Variants in C14orf39 observed in about 807,000 individuals in gnomAD.
C14orf39 encodes chromosome 14 open reading frame 39, also known as protein SIX6OS1.
C14orf39 carries 66 observed loss-of-function variants against 85.6 expected under a neutral mutation model. The observed-to-expected ratio is 0.77, with a 90% confidence interval of 0.63 to 0.95. The LOEUF (loss-of-function observed/expected upper bound fraction) is 0.95. Among genes scored for constraint, C14orf39 ranks in the 40% least tolerant of loss-of-function variants. The pLI is 0.00. For missense variants in C14orf39, 735 were observed against 663.9 expected (o/e 1.11, Z -1.18); for synonymous variants, 242 against 214.0 (o/e 1.13, Z -1.14).
upstream of C14orf39, among the ~76,000 whole-genome samples, chr14:60,490,201 T>C (rs1248515890): frequency 2.0e-5 from 3 of 152,268 alleles, no homozygotes; most frequent in Non-Finnish European, 4.4e-5. Context: ...ACTATACAGG[T>C]GACTCACAAT....
chr14:60,450,154 T>A (rs1182515191), intron 16 of C14orf39, among the ~76,000 whole-genome samples: 2 of 152,154 alleles, frequency 1.3e-5, no homozygotes, highest in Non-Finnish European at 2.9e-5. Flanking sequence ...GAGGAAAAAG[T>A]AAAGGGCATT....
intron 14 of C14orf39, among the ~76,000 whole-genome samples, chr14:60,458,436 T>C (rs1891376133): frequency 6.6e-6 from 1 of 151,960 alleles, no homozygotes; most frequent in African/African-American, 2.4e-5. Context: ...ACGATGTTGC[T>C]GCAAATAACT....
intron 10 of C14orf39, among the ~76,000 whole-genome samples, chr14:60,466,490 A>C (rs1396588273): frequency 6.6e-6 from 1 of 151,946 alleles, no homozygotes; most frequent in Non-Finnish European, 1.5e-5. Context: ...TTACTTTTGC[A>C]CCAACCTAAT....
chr14:60,510,994 G>A, intron 1 of C14orf39: 1 of 1,365,046 alleles, frequency 7.3e-7, no homozygotes, highest in Non-Finnish European at 1.0e-6. Flanking sequence ...ACCTCTAGCC[G>A]CCGGGCTGGA....
chr14:60,481,144 T>C (rs1447345757), intron 4 of C14orf39, among the ~76,000 whole-genome samples: 2 of 152,214 alleles, frequency 1.3e-5, no homozygotes, highest in East Asian at 1.9e-4. Flanking sequence ...GGTAAGGTGA[T>C]GAATATCTTA....
chr14:60,504,986 C>T (rs560024666), intron 1 of C14orf39, among the ~76,000 whole-genome samples: 3 of 152,286 alleles, frequency 2.0e-5, no homozygotes, highest in Non-Finnish European at 2.9e-5. Context: ...ACAATATAAA[C>T]AATTCTGCAT....
intron 16 of C14orf39, among the ~76,000 whole-genome samples, chr14:60,450,555 C>T (rs371664709): frequency 9.2e-5 from 14 of 152,326 alleles, no homozygotes; most frequent in Admixed American, 5.2e-4. Context: ...AAATCCTAGA[C>T]AGCATCTCTA....
chr14:60,505,502 T>C (rs1893191172), intron 1 of C14orf39, among the ~76,000 whole-genome samples: 1 of 152,170 alleles, frequency 6.6e-6, no homozygotes, highest in Non-Finnish European at 1.5e-5. Flanking sequence ...GTTATAAAAC[T>C]AAAAGCCAGT....
chr14:60,441,798 A>G (rs1437447863), intron 17 of C14orf39, among the ~76,000 whole-genome samples: 1 of 152,218 alleles, frequency 6.6e-6, no homozygotes, highest in Non-Finnish European at 1.5e-5. Flanking sequence ...CAATTATATC[A>G]GATGTTGCAA....
intron 14 of C14orf39, among the ~76,000 whole-genome samples, chr14:60,457,905 T>C (rs1326073919): frequency 6.6e-6 from 1 of 151,998 alleles, no homozygotes; most frequent in African/African-American, 2.4e-5. Flanking sequence ...AAAATTATTT[T>C]CATCAATCAT....
chr14:60,438,983 A>G (rs1443823811), intron 17 of C14orf39, among the ~76,000 whole-genome samples: 3 of 152,200 alleles, frequency 2.0e-5, no homozygotes, highest in South Asian at 4.1e-4. Flanking sequence ...ACGGAATTTA[A>G]GAATAAGTTC....
intron 5 of C14orf39, among the ~76,000 whole-genome samples, chr14:60,476,499 T>G (rs1892383628): frequency 6.6e-6 from 1 of 152,194 alleles, no homozygotes. Context: ...TATTTTCCAT[T>G]TATAAATGCC....
Position 60,477,969 on chromosome 14 carries a change from G to A in C14orf39, c.323+331C>T, listed in dbSNP as rs558851309. Among the ~76,000 whole-genome samples, 5 of 152,102 alleles carry A rather than the reference G, an allele frequency of 3.3e-5. No individual in the cohort carries two copies. In the South Asian group the frequency reaches 1.0e-3, roughly 32 times the overall value. On this transcript the variant is annotated intron_variant, in intron 5 of 17. Coordinates refer to ENST00000321731, the MANE Select transcript of C14orf39 (RefSeq NM_174978.3). ...CCGAGGCGGGCAGATCACGAGGTCA[G>A]GAGATCGAGACCATCCTGGCTAACA...
intron 1 of C14orf39, among the ~76,000 whole-genome samples, chr14:60,505,800 A>C (rs952853555): frequency 6.6e-6 from 1 of 152,226 alleles, no homozygotes; most frequent in African/African-American, 2.4e-5. Context: ...AGAGGTAGGA[A>C]AGTATTGACT....
At position 60,484,900 on chromosome 14, in the gene C14orf39, CTCT is replaced by C. The variant is rs1892810367; in HGVS notation, c.84_86del (p.Glu29del). On this transcript the variant is annotated inframe_deletion, in exon 3 of 18. Transcript: ENST00000321731. This position sits in a 1 kb window ranked among gnomAD's most constrained non-coding sequence, Gnocchi z 4.2. ...ACTTACTATTAATTCTTTGAATCAT[CTCT>C]TCTTTAGTACTTATGTCTTGCTCAT... The C allele has an allele frequency of 6.4e-7, 1 of 1,567,470 alleles. No individual in the cohort carries two copies. Among genetic ancestry groups the C allele is most frequent in the East Asian group, 2.2e-5 (1 of 44,528 alleles).
intron 1 of C14orf39, among the ~76,000 whole-genome samples, chr14:60,510,780 A>C (rs890967734): frequency 6.6e-6 from 1 of 152,244 alleles, no homozygotes; most frequent in African/African-American, 2.4e-5. Context: ...ACAGTCCTGT[A>C]AATCTCCCAA....
At chr14:60,446,763 C>A (rs561856273) in intron 16 of C14orf39, among the ~76,000 whole-genome samples, 2 of 152,316 alleles carry the variant, frequency 1.3e-5, no homozygotes, top group Admixed American at 1.3e-4. Context: ...GAATTTTAGA[C>A]CAATATCCCT....
At chr14:60,507,065 G>C (rs1411121200) in intron 1 of C14orf39, among the ~76,000 whole-genome samples, 3 of 152,138 alleles carry the variant, frequency 2.0e-5, no homozygotes, top group Admixed American at 1.3e-4. Context: ...CGCTGGGATC[G>C]GGGTCGGCTC....
intron 9 of C14orf39, 79 bp downstream of exon 9, chr14:60,468,366 T>G (rs1891897447): frequency 2.6e-6 from 2 of 767,290 alleles, no homozygotes; most frequent in East Asian, 5.8e-5. Context: ...TATTAGTGGT[T>G]TGGGATGGAA....
Sources: allele counts gnomAD v4.1 joint callset (sites outside exome capture counted in the v4.1 genomes callset), GRCh38; gene constraint gnomAD v4.1.1; non-coding constraint Gnocchi (gnomAD v3.1); transcripts MANE v1.5; gene names NCBI Gene and HGNC (gene_info 2026-07-23, HGNC 2026-07-21).